The following MRAP variants were observed in gnomAD, a reference collection of about 807,000 sequenced individuals.
MRAP encodes melanocortin-2 receptor accessory protein.
Under a neutral mutation model 8.7 loss-of-function variants are expected in MRAP, and 8 were observed. The observed-to-expected ratio is 0.92, with a 90% CI of 0.54 to 1.66. The LOEUF is 1.66. Among genes scored for constraint, MRAP ranks in the 40% most tolerant of loss-of-function variants. The pLI is 0.00. For synonymous variants in MRAP, 95 were observed against 95.5 expected, an observed-to-expected ratio of 1.00 and a Z score of 0.03; for missense variants, 237 against 217.1, an observed-to-expected ratio of 1.09 and a Z score of -0.58.
At chr21:32,312,408 C>T (rs2032604019), downstream of MRAP, 1 of 944,202 alleles carries the variant, frequency 1.1e-6, no homozygotes, top group Non-Finnish European at 1.4e-6. Flanking sequence ...AGTTCCCATC[C>T]AAGCTCCACT....
chr21:32,296,531 G>A (rs764163538), upstream of MRAP, among the ~76,000 whole-genome samples: 17 of 152,136 alleles, frequency 1.1e-4, no homozygotes, highest in African/African-American at 3.6e-4. Context: ...AGGTGATTTC[G>A]TTATTGTGTG....
chr21:32,310,795 C>T (rs2032544775), intron 2 of MRAP, among the ~76,000 whole-genome samples: 1 of 151,912 alleles, frequency 6.6e-6, no homozygotes, highest in Admixed American at 6.6e-5. Flanking sequence ...TACAGGCGCC[C>T]ACCACCACAC....
Position 32,312,153 on chromosome 21 carries a change from G to T in MRAP, c.*157G>T. 6.5e-7 allele frequency: 1 copy of T among 1,528,616 alleles called. No individual in the cohort carries two copies. The allele number at this position is 1,528,616 out of a possible 1,614,324, so 94.7% of individuals were successfully genotyped here. On this transcript the variant is annotated 3_prime_UTR_variant, in exon 3 of 3. Coordinates refer to ENST00000303645, the MANE Select transcript of MRAP (RefSeq NM_001379228.1). ...AGGAGCATCCTATGCCTTTGACAAA[G>T]ATTGCAGTGGCCCCTCGAGTGCAGA...
chr21:32,314,480 T>C, downstream of MRAP: 1 of 1,446,638 alleles, frequency 6.9e-7, no homozygotes, highest in Non-Finnish European at 9.7e-7. Flanking sequence ...CCACCTCACC[T>C]GCTGAAAAAT....
chr21:32,292,811 A>T (rs1055411876), intron 1 of MRAP, among the ~76,000 whole-genome samples: 9 of 151,790 alleles, frequency 5.9e-5, no homozygotes, highest in Non-Finnish European at 1.0e-4. Flanking sequence ...TTAAAATGTA[A>T]CTTTTATAGC....
intron 1 of MRAP, among the ~76,000 whole-genome samples, chr21:32,302,913 C>T (rs1033585491): frequency 6.6e-5 from 10 of 151,526 alleles, no homozygotes; most frequent in Non-Finnish European, 1.5e-4. Context: ...AGCAAAGGTT[C>T]TATCACGACG....
At chr21:32,297,733 C>A (rs144139870), upstream of MRAP, among the ~76,000 whole-genome samples, 3 of 152,160 alleles carry the variant, frequency 2.0e-5, no homozygotes, top group Admixed American at 2.0e-4. Context: ...ACAAGTCTGG[C>A]GTCAGAAATG....
At position 32,306,637 on chromosome 21, in the gene MRAP, C is replaced by T. The variant is rs2032424524; in HGVS notation, c.107-3C>T. On this transcript the variant is annotated splice_region_variant and splice_polypyrimidine_tract_variant and intron_variant, in intron 1 of 2. Coordinates refer to ENST00000303645, the MANE Select transcript of MRAP (RefSeq NM_001379228.1). ...CGCTGAGATGCATCTCCTCCTCCCG[C>T]AGATTCCATCGTGATCGCATTCTGG... 5 of 1,613,830 alleles carry T rather than the reference C, an allele frequency of 3.1e-6. No homozygotes were observed. The highest frequency in any genetic ancestry group is 1.6e-4 in the Middle Eastern group (1 of 6,084).
chr21:32,293,919 G>T (rs139297378), upstream of MRAP, among the ~76,000 whole-genome samples: 446 of 149,384 alleles, frequency 3.0e-3, 15 homozygotes, highest in East Asian at 0.075. Flanking sequence ...TTTTTTTCTA[G>T]TCAGTCTCTG....
At chr21:32,304,894 C>A (rs971652339) in intron 1 of MRAP, among the ~76,000 whole-genome samples, 10 of 150,864 alleles carry the variant, frequency 6.6e-5, no homozygotes, top group African/African-American at 2.4e-4. Context: ...GCAATGGATG[C>A]TCATGATTCT....
chr21:32,311,644 G>C, intron 2 of MRAP, 40 bp from the exon 3 acceptor site: 1 of 1,607,754 alleles, frequency 6.2e-7, no homozygotes, highest in Non-Finnish European at 8.5e-7. Flanking sequence ...CTGTTCTGCA[G>C]CAACTATGAT....
chr21:32,293,305 G>A (rs1189354310), intron 2 of MRAP, among the ~76,000 whole-genome samples: 1 of 151,538 alleles, frequency 6.6e-6, no homozygotes, highest in African/African-American at 2.4e-5. Flanking sequence ...ACTCATTACA[G>A]GCTACTGGCC....
At position 32,306,723 on chromosome 21, in the gene MRAP, G is replaced by T; in HGVS notation, c.190G>T (p.Ala64Ser). 1 of 1,614,020 alleles carries T rather than the reference G, an allele frequency of 6.2e-7. No homozygotes were observed. Residue 64 changes from alanine to serine, a missense_variant, in exon 2 of 3, where the codon GCC (alanine) becomes TCC (serine). Physicochemically the swap from Ala to Ser is moderately conservative, Grantham distance 99. Transcript: ENST00000303645. ...FLILLYMSWS[A>S]SPQMRNSPKH... ...CATCTTGCTCTACATGTCCTGGTCC[G>T]CCTCCCCGCAGATGAGGTGGGTAAG...
chr21:32,311,457 G>A, intron 2 of MRAP: 1 of 207,224 alleles, frequency 4.8e-6, no homozygotes, highest in Non-Finnish European at 8.9e-6. Flanking sequence ...GTGGCCTCCA[G>A]GGAAAGACCT....
At chr21:32,311,423 C>A (rs765905119) in intron 2 of MRAP, 54 of 292,548 alleles carry the variant, frequency 1.8e-4, no homozygotes, top group Non-Finnish European at 3.2e-4. Context: ...CCACCCCCCC[C>A]ATCCTAAATC....
upstream of MRAP, chr21:32,298,720 G>C (rs2123495608): frequency 2.2e-6 from 1 of 459,206 alleles, no homozygotes; most frequent in South Asian, 2.0e-5. Context: ...TCTCTGCTCT[G>C]TGTGCTTTGG....
chr21:32,304,792 G>A (rs1281035984), intron 1 of MRAP, among the ~76,000 whole-genome samples: 1 of 152,028 alleles, frequency 6.6e-6, no homozygotes, highest in Non-Finnish European at 1.5e-5. Context: ...TCAGCTCGGA[G>A]ACAGACAGGA....
Position 32,300,724 on chromosome 21 carries a change from G to A in MRAP, c.106+1647G>A, listed in dbSNP as rs185657665. On this transcript the variant is annotated intron_variant, in intron 1 of 2. Coordinates refer to ENST00000303645, the MANE Select transcript of MRAP (RefSeq NM_001379228.1). ...GGCGTCATGCGTCCTATGTCGGGGC[G>A]TCATTCGTCCTATGTCAGTGTGTCG... Among the ~76,000 whole-genome samples, 55 of 26,020 alleles carry A rather than the reference G, an allele frequency of 2.1e-3. 1 individual carries two copies. Among genetic ancestry groups the A allele is most frequent in the Middle Eastern group, 0.043 (2 of 46 alleles). 17.1% of individuals were successfully genotyped at this position (26,020 alleles called of 152,430 possible).
chr21:32,311,377 C>T (rs888125763), intron 2 of MRAP: 15 of 452,038 alleles, frequency 3.3e-5, no homozygotes, highest in East Asian at 1.9e-4. Context: ...TCAGATACAG[C>T]GCTGGATGGG....
Sources: allele counts gnomAD v4.1 joint callset (sites outside exome capture counted in the v4.1 genomes callset), GRCh38; gene constraint gnomAD v4.1.1; transcripts MANE v1.5; gene names NCBI Gene and HGNC (gene_info 2026-07-23, HGNC 2026-07-21).